The following ALK variants were observed in gnomAD, a reference collection of about 807,000 sequenced individuals.
ALK encodes the protein ALK receptor tyrosine kinase.
A neutral mutation model predicts 163.1 loss-of-function variants in ALK; 74 were observed. The observed-to-expected ratio is 0.45, with a 90% CI of 0.38 to 0.55. The LOEUF (loss-of-function observed/expected upper bound fraction) is 0.55. Ranked by LOEUF, ALK falls within the 20% of genes least tolerant of loss-of-function variation. The pLI, the probability that ALK is intolerant of heterozygous loss-of-function variation, is 0.00. For missense variants in ALK, 2,063 were observed against 2,105.3 expected, an observed-to-expected ratio of 0.98 and a Z score of 0.39; for synonymous variants, 960 against 843.2, an observed-to-expected ratio of 1.14 and a Z score of -2.40.
chr2:29,664,829 G>T (rs1170671511), intron 3 of ALK, among the ~76,000 whole-genome samples: 1 of 151,964 alleles, frequency 6.6e-6, no homozygotes, highest in East Asian at 1.9e-4. Flanking sequence ...CACAACTTAG[G>T]GCTGACATGA....
At chr2:29,517,458 T>G (rs2148146097) in intron 4 of ALK, among the ~76,000 whole-genome samples, 1 of 152,292 alleles carries the variant, frequency 6.6e-6, no homozygotes, top group African/African-American at 2.4e-5. Flanking sequence ...TTAAATCATT[T>G]AACCAATCCT....
chr2:29,630,029 T>C (rs1273118987), intron 3 of ALK, among the ~76,000 whole-genome samples: 2 of 152,208 alleles, frequency 1.3e-5, no homozygotes, highest in African/African-American at 4.8e-5. Context: ...AGGAAGATAT[T>C]ATGCTTTAAA....
intron 1 of ALK, among the ~76,000 whole-genome samples, chr2:29,884,246 C>T (rs918006846): frequency 6.6e-6 from 1 of 152,126 alleles, no homozygotes; most frequent in Non-Finnish European, 1.5e-5. Flanking sequence ...TCATAGTTCT[C>T]ACATATTATT....
At chr2:29,739,789 G>T (rs911487050) in intron 1 of ALK, among the ~76,000 whole-genome samples, 1 of 152,008 alleles carries the variant, frequency 6.6e-6, no homozygotes, top group South Asian at 2.1e-4. Flanking sequence ...ATCAATGACT[G>T]TTTCAATGTG....
intron 3 of ALK, among the ~76,000 whole-genome samples, chr2:29,595,799 G>A (rs1262338085): frequency 6.6e-6 from 1 of 152,222 alleles, no homozygotes; most frequent in African/African-American, 2.4e-5. Flanking sequence ...AAACAAGTCT[G>A]TTGGGATAAA....
intron 16 of ALK, among the ~76,000 whole-genome samples, chr2:29,228,058 G>A (rs1330222119): frequency 6.6e-6 from 1 of 152,192 alleles, no homozygotes; most frequent in Non-Finnish European, 1.5e-5. Flanking sequence ...TTGGGTCAGG[G>A]TTGGGGTGTG....
rs370966988 is a variant in ALK at position 29,712,617 on chromosome 2, A to AT, written c.787+4960dup. Among the ~76,000 whole-genome samples the AT allele has an allele frequency of 5.5e-3, 811 of 147,674 alleles. 2 individuals are homozygous for AT. The highest frequency in any genetic ancestry group is 0.012 in the African/African-American group (482 of 40,678). ...CCATTTTTGATTCTGTGTTAGGCTG[A>AT]TTTTTTTTTTTTGAGAGAGAGATAT... On this transcript the variant is annotated intron_variant, in intron 2 of 28. Transcript: ENST00000389048.
intron 12 of ALK, among the ~76,000 whole-genome samples, chr2:29,247,657 T>A (rs144431730): frequency 1.8e-3 from 275 of 152,280 alleles, no homozygotes; most frequent in African/African-American, 6.4e-3. Context: ...TGTTTCCAAC[T>A]GTGTACATCC....
At chr2:29,858,445 G>T (rs1020413277) in intron 1 of ALK, among the ~76,000 whole-genome samples, 6 of 151,906 alleles carry the variant, frequency 3.9e-5, no homozygotes. Context: ...TGGACAAAAG[G>T]TCTGAGGCCG....
chr2:29,689,382 T>C (rs1209805692), intron 3 of ALK, among the ~76,000 whole-genome samples: 5 of 152,208 alleles, frequency 3.3e-5, no homozygotes, highest in Admixed American at 3.3e-4. Flanking sequence ...AGTCTGCACT[T>C]GCAGTTCAAA....
chr2:29,725,210 G>A (rs539107255), intron 1 of ALK, among the ~76,000 whole-genome samples: 12 of 147,596 alleles, frequency 8.1e-5, no homozygotes, highest in South Asian at 2.2e-4. Flanking sequence ...TGGCTAAAGC[G>A]TGTAAATCTG....
At chr2:29,912,022 A>C (rs1572494837) in intron 1 of ALK, among the ~76,000 whole-genome samples, 1 of 152,198 alleles carries the variant, frequency 6.6e-6, no homozygotes, top group South Asian at 2.1e-4. Flanking sequence ...ATAACAGAGG[A>C]AAGAGTCAAT....
rs528315610 is a variant in ALK at position 29,232,314 on chromosome 2, G to A, written c.2622C>T (p.Ser874=). 44 of 1,614,246 alleles carry A rather than the reference G, an allele frequency of 2.7e-5. No homozygotes were observed. Among genetic ancestry groups the A allele is most frequent in the South Asian group, 1.8e-4 (16 of 91,084 alleles). Residue 874 remains serine, a synonymous_variant, in exon 15 of 29, where the codon TCC becomes TCT. Transcript: ENST00000389048. ...CTTGCAGCGCTTTACCTGCGGCTCC[G>A]GAATTGCCGTTTAGCCCTAGAACCG... ...NSSVLGLNGN[S]GAAGGGGGWN... is the part of the protein sequence containing the mutation.
chr2:29,866,936 G>C (rs868869053), intron 1 of ALK, among the ~76,000 whole-genome samples: 3 of 152,138 alleles, frequency 2.0e-5, no homozygotes, highest in Non-Finnish European at 4.4e-5. Flanking sequence ...TGTTATGGCT[G>C]GTCCTTTTCG....
intron 5 of ALK, among the ~76,000 whole-genome samples, chr2:29,380,133 GTCTCACTCTGTCACCAGGCTGGAGTGCA>G (rs1257499513): frequency 1.4e-5 from 2 of 147,556 alleles, no homozygotes; most frequent in African/African-American, 5.0e-5. Context: ...TTAAGACAGA[GTCTCACTCTGTCACCAGGCTGGAGTGCA>G]CTGGCACGAT....
Position 29,713,354 on chromosome 2 carries a change from G to A in ALK, c.787+4224C>T, listed in dbSNP as rs555051339. On this transcript the variant is annotated intron_variant, in intron 2 of 28. Transcript: ENST00000389048. ...AACAAAATTTTGTGGGGAGACACAAGTCAATCCCCAGGGACCATAGTCTGG... is the reference window on the plus strand; with the variant it reads ...AACAAAATTTTGTGGGGAGACACAAATCAATCCCCAGGGACCATAGTCTGG... Among the ~76,000 whole-genome samples, 16 of 152,302 alleles carry A rather than the reference G, an allele frequency of 1.1e-4. No individual in the cohort carries two copies. In the South Asian group the frequency reaches 2.9e-3, roughly 28 times the overall value.
intron 4 of ALK, among the ~76,000 whole-genome samples, chr2:29,467,325 G>A (rs1558336907): frequency 6.6e-6 from 1 of 152,012 alleles, no homozygotes; most frequent in Non-Finnish European, 1.5e-5. Context: ...TTAATTAAAA[G>A]ATACATATTG....
At chr2:29,536,109 A>G (rs919824081) in intron 3 of ALK, among the ~76,000 whole-genome samples, 16 of 152,158 alleles carry the variant, frequency 1.1e-4, no homozygotes, top group African/African-American at 3.9e-4. Context: ...TGCTTGCCAC[A>G]TGGTAGGTAC....
At chr2:29,876,517 A>G (rs1558529381) in intron 1 of ALK, among the ~76,000 whole-genome samples, 1 of 148,534 alleles carries the variant, frequency 6.7e-6, no homozygotes, top group African/African-American at 2.5e-5. Flanking sequence ...AATGGTAATG[A>G]TGATGGTGAT....
Sources: gnomAD v4.1 joint callset for allele counts (sites outside exome capture counted in the v4.1 genomes callset) on GRCh38, gnomAD v4.1.1 for gene constraint, MANE v1.5 for transcripts, NCBI Gene and HGNC (gene_info 2026-07-23, HGNC 2026-07-21) for gene names.